ZNF793: variants seen among roughly 807,000 people sequenced by gnomAD.
The protein encoded by ZNF793 is zinc finger protein 793.
In ZNF793, 5 loss-of-function variants were observed where a neutral mutation model predicts 12.4. The ratio of observed to expected loss-of-function variants is 0.40; its 90% CI spans 0.21 to 0.84. ZNF793 has a LOEUF of 0.84. Among genes scored for constraint, ZNF793 ranks in the 40% least tolerant of loss-of-function variants. The pLI is 0.35. For synonymous variants in ZNF793, 162 were observed against 172.4 expected (o/e 0.94, Z 0.47); for missense variants, 456 against 495.0 (o/e 0.92, Z 0.75).
intron 2 of ZNF793, among the ~76,000 whole-genome samples, chr19:37,512,925 C>T (rs1303255724): frequency 2.0e-5 from 3 of 152,012 alleles, no homozygotes; most frequent in East Asian, 1.9e-4. Flanking sequence ...AGTATGTTCT[C>T]GGTCATTTTT....
At chr19:37,529,249 C>T (rs1298616743) in intron 5 of ZNF793, among the ~76,000 whole-genome samples, 1 of 152,144 alleles carries the variant, frequency 6.6e-6, no homozygotes, top group African/African-American at 2.4e-5. Context: ...AATTATCACA[C>T]CATGCAGAAT....
At chr19:37,533,204 C>A (rs1568325711) in intron 6 of ZNF793, 104 bp from the exon 7 acceptor site, 2 of 906,900 alleles carry the variant, frequency 2.2e-6, no homozygotes, top group South Asian at 1.5e-5. Context: ...TGTGTTTAGT[C>A]CCCTCCCAAG....
At chr19:37,525,230 C>G (rs1265465218) in intron 5 of ZNF793, among the ~76,000 whole-genome samples, 5 of 151,520 alleles carry the variant, frequency 3.3e-5, no homozygotes, top group Non-Finnish European at 5.9e-5. Flanking sequence ...ACTCCTCCTT[C>G]CGGGTTCACG....
At chr19:37,532,927 T>G (rs1247000199) in intron 6 of ZNF793, among the ~76,000 whole-genome samples, 1 of 152,202 alleles carries the variant, frequency 6.6e-6, no homozygotes, top group Non-Finnish European at 1.5e-5. Flanking sequence ...TTAGCCACTT[T>G]AAAAATATTA....
intron 2 of ZNF793, among the ~76,000 whole-genome samples, chr19:37,512,302 G>A (rs942207998): frequency 3.9e-5 from 6 of 151,972 alleles, no homozygotes; most frequent in Admixed American, 2.6e-4. Context: ...GGATCACGAG[G>A]TCAAGAGATT....
chr19:37,516,013 A>G (rs2147066123), intron 2 of ZNF793, among the ~76,000 whole-genome samples: 1 of 150,776 alleles, frequency 6.6e-6, no homozygotes, highest in South Asian at 2.1e-4. Context: ...CAAAGCTTTC[A>G]AACATACAGC....
At chr19:37,536,698 C>G in intron 7 of ZNF793, 199 bp from the exon 8 acceptor site, 1 of 577,200 alleles carries the variant, frequency 1.7e-6, no homozygotes, top group Non-Finnish European at 2.9e-6. Context: ...AATTATTGGT[C>G]TCTATACTCT....
chr19:37,506,882 A>T (rs2147045077), upstream of ZNF793: 1 of 152,376 alleles, frequency 6.6e-6, no homozygotes. Flanking sequence ...GTTCACTGGA[A>T]GGTTGCCGGG....
chr19:37,509,417 AAAT>A (rs2042275905), intron 2 of ZNF793, among the ~76,000 whole-genome samples: 1 of 152,262 alleles, frequency 6.6e-6, no homozygotes, highest in Non-Finnish European at 1.5e-5. Context: ...TAATTTTAAA[AAAT>A]TATTACGTTT....
intron 3 of ZNF793, among the ~76,000 whole-genome samples, chr19:37,520,622 G>A (rs989433003): frequency 6.6e-6 from 1 of 152,324 alleles, no homozygotes. Context: ...GAGTCTCATG[G>A]CGGGTGCGAT....
intron 7 of ZNF793, chr19:37,534,515 C>CAT (rs2042488499): frequency 6.6e-6 from 1 of 152,036 alleles, no homozygotes; most frequent in African/African-American, 2.4e-5. Context: ...CACACACACA[C>CAT]ACGCACACAC....
rs375011080 is a variant in ZNF793 at position 37,538,205 on chromosome 19, G to A, written c.*326G>A. ...GCTGGGATTACAGGCGTGAGCCACC[G>A]CGCCTGGCCGGTATGTAGGGAATTT... is the stretch of plus-strand genomic sequence containing the variant. On this transcript the variant is annotated 3_prime_UTR_variant, in exon 8 of 8. Coordinates refer to ENST00000627814, the MANE Select transcript of ZNF793 (RefSeq NM_001013659.3). 3.3e-3 allele frequency: 720 copies of A among 215,516 alleles called. No homozygotes were observed. Among genetic ancestry groups the A allele is most frequent in the Non-Finnish European group, 4.7e-3 (506 of 107,700 alleles). The allele number at this position is 215,516 out of a possible 1,614,324, so 13.4% of individuals were successfully genotyped here. A position where few individuals can be genotyped will look rare whatever the true frequency, so the allele number is the denominator to read the frequency against.
chr19:37,512,509 G>A (rs942157316), intron 2 of ZNF793, among the ~76,000 whole-genome samples: 5 of 151,856 alleles, frequency 3.3e-5, no homozygotes, highest in East Asian at 1.9e-4. Flanking sequence ...GCAAGACTCC[G>A]TTTCAAAATA....
intron 6 of ZNF793, among the ~76,000 whole-genome samples, 188 bp from the exon 7 acceptor site, chr19:37,533,120 C>G (rs1240372516): frequency 6.6e-6 from 1 of 152,178 alleles, no homozygotes; most frequent in Non-Finnish European, 1.5e-5. Flanking sequence ...TTACCTTGTG[C>G]TGCTGCCTCA....
chr19:37,524,010 C>T (rs1600413089), intron 5 of ZNF793, among the ~76,000 whole-genome samples: 1 of 151,752 alleles, frequency 6.6e-6, no homozygotes, highest in East Asian at 1.9e-4. Context: ...ATTAGTTGGG[C>T]ATGGTGGTGG....
At position 37,530,676 on chromosome 19, in the gene ZNF793, G is replaced by T. The variant is rs765060673; in HGVS notation, c.16-1680G>T. 1.2e-4 allele frequency among the ~76,000 whole-genome samples: 18 copies of T among 152,124 alleles called. 1 individual carries two copies. The highest frequency in any genetic ancestry group is 2.1e-4 in the Non-Finnish European group (14 of 68,018). The stretch of plus-strand genomic sequence containing the variant: ...AGATTAACAGCATCTCAAGGCAGAA[G>T]AATTTTTCTTAGTACAGAACGAAAT... On this transcript the variant is annotated intron_variant, in intron 5 of 7. Transcript: ENST00000627814.
At position 37,538,162 on chromosome 19, in the gene ZNF793, G is replaced by C; in HGVS notation, c.*283G>C. ...GATCTCCTGACCTTGTGATCTGCCC[G>C]CCTTGTCCTCCCAAAGTGCTGGGAT... On this transcript the variant is annotated 3_prime_UTR_variant, in exon 8 of 8. Coordinates refer to ENST00000627814, the MANE Select transcript of ZNF793 (RefSeq NM_001013659.3). 1 of 292,854 alleles carries C rather than the reference G, an allele frequency of 3.4e-6. No individual in the cohort carries two copies. Among genetic ancestry groups the C allele is most frequent in the Non-Finnish European group, 6.4e-6 (1 of 157,360 alleles). The allele number at this position is 292,854 out of a possible 1,614,324, so 18.1% of individuals were successfully genotyped here. A position where few individuals can be genotyped will look rare whatever the true frequency, so the allele number is the denominator to read the frequency against.
At chr19:37,522,500 A>T (rs1308633177) in intron 3 of ZNF793, 32 bp from the exon 4 acceptor site, 1 of 152,202 alleles carries the variant, frequency 6.6e-6, no homozygotes, top group African/African-American at 2.4e-5. Flanking sequence ...GCCCGGGCCT[A>T]TAGCAACTTT....
At chr19:37,524,691 T>C (rs1241867699) in intron 5 of ZNF793, among the ~76,000 whole-genome samples, 1 of 152,176 alleles carries the variant, frequency 6.6e-6, no homozygotes, top group African/African-American at 2.4e-5. Context: ...CACAGTGTGG[T>C]CCCGGGACCT....
Sources: allele counts gnomAD v4.1 joint callset (sites outside exome capture counted in the v4.1 genomes callset), GRCh38; gene constraint gnomAD v4.1.1; transcripts MANE v1.5; gene names NCBI Gene and HGNC (gene_info 2026-07-23, HGNC 2026-07-21).